Variants in PPHLN1 observed in about 807,000 individuals in gnomAD.
The protein encoded by PPHLN1 is periphilin-1.
Under a neutral mutation model 51.3 loss-of-function variants are expected in PPHLN1, and 29 were observed. The ratio of observed to expected loss-of-function variants is 0.57; its 90% CI spans 0.42 to 0.77. The LOEUF (loss-of-function observed/expected upper bound fraction) is 0.77, where lower values mean the gene tolerates loss of function less well. Ranked by LOEUF, PPHLN1 falls within the 30% of genes least tolerant of loss-of-function variation. The pLI, the probability that PPHLN1 is intolerant of heterozygous loss-of-function variation, is 0.00. For missense variants in PPHLN1, 436 were observed against 438.4 expected, an observed-to-expected ratio of 0.99 and a Z score of 0.05; for synonymous variants, 147 against 147.8, an observed-to-expected ratio of 0.99 and a Z score of 0.04.
At chr12:42,344,821 G>A (rs1001824970) in intron 2 of PPHLN1, among the ~76,000 whole-genome samples, 7 of 149,380 alleles carry the variant, frequency 4.7e-5, no homozygotes, top group African/African-American at 1.5e-4. Context: ...CAGTTTTTGT[G>A]CCTCAGCCTC....
In PPHLN1 at chr12:42,389,870, G is replaced by GT. The variant is rs1193934084; in HGVS notation, c.648+2336dup. On this transcript the variant is annotated intron_variant, in intron 7 of 9. Coordinates refer to ENST00000358314, the MANE Select transcript of PPHLN1 (RefSeq NM_201439.2). Reference sequence around the variant, plus strand: ...GTACATATCTCTATTCTATAGTAGAGTGAGGGCTCAGGAGTTATTAATTTC... The same window carrying GT: ...GTACATATCTCTATTCTATAGTAGAGTTGAGGGCTCAGGAGTTATTAATTTC... Among the ~76,000 whole-genome samples, 6 of 152,288 alleles carry GT rather than the reference G, an allele frequency of 3.9e-5. No homozygotes were observed. The East Asian group carries it at 1.2e-3, about 29-fold the overall frequency.
rs936510762 is a variant in PPHLN1 at position 42,341,746 on chromosome 12, C to T, written c.72+5772C>T. Among the ~76,000 whole-genome samples, 4 of 152,214 alleles carry T rather than the reference C, an allele frequency of 2.6e-5. No individual in the cohort carries two copies. In the South Asian group the frequency reaches 8.3e-4, roughly 32 times the overall value. ...ACGCCATTCTTCTGCCTCAGCCTCC[C>T]GAGTAGCTGGGACTATAGGCACCTG... is the stretch of plus-strand genomic sequence containing the variant. On this transcript the variant is annotated intron_variant, in intron 2 of 9. Coordinates refer to ENST00000358314, the MANE Select transcript of PPHLN1 (RefSeq NM_201439.2).
In PPHLN1 at chr12:42,441,763, GC is replaced by G. The variant is rs2082985931; in HGVS notation, c.*256del. On this transcript the variant is annotated 3_prime_UTR_variant, in exon 10 of 10. Coordinates refer to ENST00000358314, the MANE Select transcript of PPHLN1 (RefSeq NM_201439.2). ...TCTAACTCCTGGCCTCAAGTGATCTGCCTGCCTCAGCCTCTCAAAGTGTTGA... is the reference window on the plus strand; with the variant it reads ...TCTAACTCCTGGCCTCAAGTGATCTGCTGCCTCAGCCTCTCAAAGTGTTGA... 9.9e-6 allele frequency: 11 copies of G among 1,116,392 alleles called. No homozygotes were observed. In the South Asian group the frequency reaches 3.9e-4, roughly 40 times the overall value. The allele number at this position is 1,116,392 out of a possible 1,614,324, so 69.2% of individuals were successfully genotyped here.
chr12:42,426,297 C>G (rs1476502189), intron 9 of PPHLN1, among the ~76,000 whole-genome samples: 1 of 151,416 alleles, frequency 6.6e-6, no homozygotes, highest in African/African-American at 2.4e-5. Context: ...CCCCTCCAAA[C>G]CAGTTTCTTT....
intron 9 of PPHLN1, chr12:42,399,918 G>A (rs1213209219): frequency 1.3e-5 from 2 of 152,198 alleles, no homozygotes; most frequent in Middle Eastern, 3.4e-3. Flanking sequence ...GTGATTGGGA[G>A]GCAGTTGGTA....
At chr12:42,366,623 A>G (rs941189028) in intron 4 of PPHLN1, among the ~76,000 whole-genome samples, 1 of 151,722 alleles carries the variant, frequency 6.6e-6, no homozygotes, top group Non-Finnish European at 1.5e-5. Context: ...TCCTAGGCTC[A>G]AGCAATTTGC....
intron 4 of PPHLN1, among the ~76,000 whole-genome samples, chr12:42,364,949 T>G (rs2075113040): frequency 1.3e-5 from 2 of 152,176 alleles, no homozygotes; most frequent in Non-Finnish European, 2.9e-5. Flanking sequence ...TTGGAAGATC[T>G]CTTAGTCCAT....
intron 9 of PPHLN1, chr12:42,431,998 CA>C: frequency 6.7e-7 from 1 of 1,486,080 alleles, no homozygotes; most frequent in Non-Finnish European, 9.4e-7. Context: ...TTCTGATTAT[CA>C]AGTACGCTGT....
rs73285670 is a variant in PPHLN1, at chr12:42,341,598, T to C, written c.72+5624T>C. On this transcript the variant is annotated intron_variant, in intron 2 of 9. Coordinates refer to ENST00000358314, the MANE Select transcript of PPHLN1 (RefSeq NM_201439.2). Reference sequence around the variant, plus strand: ...AATGTACCAGTCATTATTTTAGCACTTTATGGTATGCTTTTAAATTATTAT... The same window carrying C: ...AATGTACCAGTCATTATTTTAGCACCTTATGGTATGCTTTTAAATTATTAT... 8.7e-3 allele frequency among the ~76,000 whole-genome samples: 1,320 copies of C among 152,278 alleles called. 19 individuals carry two copies. The highest frequency in any genetic ancestry group is 0.031 in the African/African-American group (1,280 of 41,570).
chr12:42,440,942 A>G (rs949663127), intron 9 of PPHLN1, among the ~76,000 whole-genome samples: 5 of 152,132 alleles, frequency 3.3e-5, no homozygotes, highest in African/African-American at 9.7e-5. Context: ...GGGCTCAGAA[A>G]CTTTTTTCTT....
chr12:42,410,689 G>GAAAGTAAAAGAAGCAGCAAA (rs2079732099), intron 9 of PPHLN1, among the ~76,000 whole-genome samples: 1 of 152,166 alleles, frequency 6.6e-6, no homozygotes, highest in Non-Finnish European at 1.5e-5. Flanking sequence ...TAAGCAGTTA[G>GAAAGTAAAAGAAGCAGCAAA]AAAGTAAAAG....
chr12:42,440,251 G>A (rs556336766), intron 9 of PPHLN1, among the ~76,000 whole-genome samples: 234 of 152,038 alleles, frequency 1.5e-3, no homozygotes, highest in African/African-American at 5.2e-3. Context: ...TATAAATGGT[G>A]TTGTGTTTTA....
intron 4 of PPHLN1, among the ~76,000 whole-genome samples, chr12:42,358,105 A>G (rs1297828501): frequency 1.3e-5 from 2 of 152,132 alleles, no homozygotes; most frequent in Non-Finnish European, 2.9e-5. Context: ...TATATGTACT[A>G]CATTTTCTTT....
chr12:42,432,478 T>C (rs1346484849), intron 9 of PPHLN1, among the ~76,000 whole-genome samples: 1 of 152,234 alleles, frequency 6.6e-6, no homozygotes, highest in East Asian at 1.9e-4. Flanking sequence ...CACTGTCCCC[T>C]TCAATTCTCA....
At chr12:42,402,939 C>T (rs1005301465) in intron 9 of PPHLN1, among the ~76,000 whole-genome samples, 5 of 152,160 alleles carry the variant, frequency 3.3e-5, no homozygotes, top group African/African-American at 1.2e-4. Flanking sequence ...TGCTGTTTCT[C>T]ATATATAATC....
chr12:42,387,080 TATA>T (rs1379931781), intron 6 of PPHLN1: 1 of 157,870 alleles, frequency 6.3e-6, no homozygotes, highest in African/African-American at 2.4e-5. Flanking sequence ...TCGGTATCTA[TATA>T]ATAACTACCT....
At position 42,367,259 on chromosome 12, in the gene PPHLN1, A is replaced by G. The variant is rs1037672683; in HGVS notation, c.300-7604A>G. Among the ~76,000 whole-genome samples the G allele has an allele frequency of 2.0e-4, 30 of 152,198 alleles. 1 individual carries two copies. The highest frequency in any genetic ancestry group is 6.5e-4 in the African/African-American group (27 of 41,448). On this transcript the variant is annotated intron_variant, in intron 4 of 9. Coordinates refer to ENST00000358314, the MANE Select transcript of PPHLN1 (RefSeq NM_201439.2). Reference sequence around the variant, plus strand: ...TAACAGAGGTACATATACAGCTACTATGAATAATGGTGAGTACTCTGTGAA... The same window carrying G: ...TAACAGAGGTACATATACAGCTACTGTGAATAATGGTGAGTACTCTGTGAA...
At chr12:42,427,647 A>G (rs1367297943) in intron 9 of PPHLN1, among the ~76,000 whole-genome samples, 2 of 152,246 alleles carry the variant, frequency 1.3e-5, no homozygotes, top group South Asian at 4.1e-4. Context: ...ACCTGAAACT[A>G]TAAAAATTGT....
intron 2 of PPHLN1, among the ~76,000 whole-genome samples, chr12:42,349,945 C>A (rs1468005904): frequency 6.6e-6 from 1 of 152,118 alleles, no homozygotes; most frequent in South Asian, 2.1e-4. Flanking sequence ...GGGGTGGTGG[C>A]CCGGCAGAGG....
Sources: gnomAD v4.1 joint callset for allele counts (sites outside exome capture counted in the v4.1 genomes callset) on GRCh38, gnomAD v4.1.1 for gene constraint, MANE v1.5 for transcripts, NCBI Gene and HGNC (gene_info 2026-07-23, HGNC 2026-07-21) for gene names.